The following MDGA2 variants were observed in gnomAD, a reference collection of about 807,000 sequenced individuals.
MDGA2 encodes the protein MAM domain containing glycosylphosphatidylinositol anchor 2.
MDGA2 carries 40 observed loss-of-function variants against 117.8 expected under a neutral mutation model. The ratio of observed to expected loss-of-function variants is 0.34; its 90% CI spans 0.26 to 0.44. The LOEUF is 0.44. MDGA2 is among the 20% of genes least tolerant of loss of function. The probability of loss-of-function intolerance (pLI) is 1.00; values close to 1 mark genes in which losing one functional copy is unlikely to be tolerated. For synonymous variants in MDGA2, 452 were observed against 439.0 expected, an observed-to-expected ratio of 1.03 and a Z score of -0.37; for missense variants, 1,123 against 1,250.6, an observed-to-expected ratio of 0.90 and a Z score of 1.54.
At chr14:47,171,200 A>G (rs1294094190) in intron 3 of MDGA2, among the ~76,000 whole-genome samples, 1 of 152,164 alleles carries the variant, frequency 6.6e-6, no homozygotes, top group Non-Finnish European at 1.5e-5. Flanking sequence ...TAATCTCTGA[A>G]GAGATTGTGG....
intron 8 of MDGA2, among the ~76,000 whole-genome samples, chr14:47,002,501 GTGGATCA>G (rs1419943626): frequency 6.6e-6 from 1 of 152,060 alleles, no homozygotes; most frequent in Non-Finnish European, 1.5e-5. Context: ...GCCAAGGTGG[GTGGATCA>G]CCTGAGGTCA....
At chr14:46,972,104 A>C (rs1050096528) in intron 8 of MDGA2, among the ~76,000 whole-genome samples, 2 of 152,152 alleles carry the variant, frequency 1.3e-5, no homozygotes, top group Non-Finnish European at 2.9e-5. Flanking sequence ...AGAAGTATGG[A>C]TGGCAAACAG....
Position 47,588,810 on chromosome 14 carries a change from T to C in MDGA2, c.280+85707A>G, listed in dbSNP as rs1434193060. Among the ~76,000 whole-genome samples, 4 of 152,034 alleles carry C rather than the reference T, an allele frequency of 2.6e-5. No homozygotes were observed. In the East Asian group the frequency reaches 7.7e-4, roughly 29 times the overall value. On this transcript the variant is annotated intron_variant, in intron 1 of 16. Transcript: ENST00000399232. The stretch of plus-strand genomic sequence containing the variant: ...CCACAAACCTAATGGCTGAAACTAA[T>C]ACAGAATTATCATATTACAGTTCTA...
intron 1 of MDGA2, among the ~76,000 whole-genome samples, chr14:47,432,421 TA>T (rs1261661040): frequency 4.6e-5 from 7 of 152,194 alleles, no homozygotes; most frequent in Admixed American, 2.6e-4. Flanking sequence ...TAACAATCTG[TA>T]TATTAAAGTT....
chr14:47,478,153 C>T (rs1028283202), intron 1 of MDGA2, among the ~76,000 whole-genome samples: 6 of 152,116 alleles, frequency 3.9e-5, no homozygotes, highest in Non-Finnish European at 8.8e-5. Flanking sequence ...AAAAGTTTAA[C>T]CTTAAAAAGT....
intron 1 of MDGA2, among the ~76,000 whole-genome samples, chr14:47,412,268 T>TA (rs1322423813): frequency 6.6e-6 from 1 of 152,020 alleles, no homozygotes; most frequent in African/African-American, 2.4e-5. Context: ...AAAACAGAAA[T>TA]AAAAAAATTA....
chr14:47,136,109 C>T (rs767438865), intron 4 of MDGA2, among the ~76,000 whole-genome samples: 1 of 151,962 alleles, frequency 6.6e-6, no homozygotes, highest in Non-Finnish European at 1.5e-5. Flanking sequence ...TTCCACCAAC[C>T]CTAATTCTCC....
intron 1 of MDGA2, among the ~76,000 whole-genome samples, chr14:47,666,026 A>C (rs1462558210): frequency 3.3e-5 from 5 of 151,740 alleles, no homozygotes; most frequent in Non-Finnish European, 5.9e-5. Context: ...TGGGCTCCTG[A>C]GTCTAGTGGG....
Position 47,551,351 on chromosome 14 carries a change from A to G in MDGA2, c.280+123166T>C, listed in dbSNP as rs146001041. Among the ~76,000 whole-genome samples the G allele has an allele frequency of 2.6e-5, 4 of 152,204 alleles. No individual in the cohort carries two copies. The East Asian group carries it at 5.8e-4, about 22-fold the overall frequency. ...AAGCCTGTTCTTTGCCTGGGGATAAACACTTTTGCTTTCTATGCTTTTCTG... is the reference window on the plus strand; with the variant it reads ...AAGCCTGTTCTTTGCCTGGGGATAAGCACTTTTGCTTTCTATGCTTTTCTG... On this transcript the variant is annotated intron_variant, in intron 1 of 16. Transcript: ENST00000399232.
intron 3 of MDGA2, among the ~76,000 whole-genome samples, chr14:47,206,792 G>T (rs985217988): frequency 2.0e-5 from 3 of 151,842 alleles, no homozygotes; most frequent in African/African-American, 7.3e-5. Flanking sequence ...AGGAGGCTGA[G>T]GTGAGAGGAT....
At chr14:47,594,901 T>C (rs1896506963) in intron 1 of MDGA2, among the ~76,000 whole-genome samples, 1 of 108,102 alleles carries the variant, frequency 9.3e-6, no homozygotes, top group African/African-American at 3.5e-5. Flanking sequence ...AGATCACAAA[T>C]TATCTATCAA....
intron 2 of MDGA2, among the ~76,000 whole-genome samples, chr14:47,227,578 G>C (rs1165514746): frequency 6.6e-6 from 1 of 151,804 alleles, no homozygotes; most frequent in African/African-American, 2.4e-5. Flanking sequence ...TTAACCAATG[G>C]TAAGTTCATT....
chr14:47,619,003 G>C (rs759633557), intron 1 of MDGA2, among the ~76,000 whole-genome samples: 1 of 151,580 alleles, frequency 6.6e-6, no homozygotes, highest in South Asian at 2.1e-4. Flanking sequence ...TTTTGTTATA[G>C]GTTGAAAGGA....
intron 5 of MDGA2, among the ~76,000 whole-genome samples, chr14:47,130,016 C>A (rs571347961): frequency 6.6e-6 from 1 of 150,482 alleles, no homozygotes; most frequent in Non-Finnish European, 1.5e-5. Context: ...AAGTAGGTTG[C>A]GAAAATTTTC....
intron 1 of MDGA2, among the ~76,000 whole-genome samples, chr14:47,638,555 C>T (rs1594956662): frequency 1.3e-5 from 2 of 152,176 alleles, no homozygotes; most frequent in East Asian, 3.9e-4. Flanking sequence ...TGCACCATTA[C>T]TCCGACTAAA....
intron 12 of MDGA2, among the ~76,000 whole-genome samples, chr14:46,876,480 A>T (rs914996631): frequency 6.6e-6 from 1 of 151,636 alleles, no homozygotes; most frequent in Non-Finnish European, 1.5e-5. Context: ...ATAAATAAGT[A>T]ATAAAGTCCA....
intron 1 of MDGA2, among the ~76,000 whole-genome samples, chr14:47,538,273 C>G (rs1895264573): frequency 6.6e-6 from 1 of 152,082 alleles, no homozygotes; most frequent in South Asian, 2.1e-4. Context: ...TAAAGTATGA[C>G]TAAATAATTG....
At chr14:47,627,793 T>A (rs998866193) in intron 1 of MDGA2, among the ~76,000 whole-genome samples, 2 of 152,130 alleles carry the variant, frequency 1.3e-5, no homozygotes, top group East Asian at 3.9e-4. Flanking sequence ...TTGCTGCTGC[T>A]CACTCTTTGG....
At chr14:47,110,236 T>G (rs187543956) in intron 5 of MDGA2, among the ~76,000 whole-genome samples, 305 of 152,256 alleles carry the variant, frequency 2.0e-3, no homozygotes, top group African/African-American at 5.9e-3. Flanking sequence ...CATTGAACAT[T>G]ATTTTTAATA....
Sources: gnomAD v4.1 joint callset for allele counts (sites outside exome capture counted in the v4.1 genomes callset) on GRCh38, gnomAD v4.1.1 for gene constraint, MANE v1.5 for transcripts, NCBI Gene and HGNC (gene_info 2026-07-23, HGNC 2026-07-21) for gene names.